DIAPH1: variants seen among roughly 807,000 people sequenced by gnomAD.
DIAPH1 encodes diaphanous related formin 1.
A neutral mutation model predicts 140.7 loss-of-function variants in DIAPH1; 46 were observed. The ratio of observed to expected loss-of-function variants is 0.33; its 90% CI spans 0.26 to 0.42. The LOEUF is 0.42. DIAPH1 is among the 10% of genes least tolerant of loss of function. DIAPH1 has a pLI of 1.00. For synonymous variants in DIAPH1, 565 were observed against 551.6 expected, an observed-to-expected ratio of 1.02 and a Z score of -0.34; for missense variants, 1,310 against 1,558.7, an observed-to-expected ratio of 0.84 and a Z score of 2.69.
chr5:141,546,184 G>A (rs928524509), intron 18 of DIAPH1, among the ~76,000 whole-genome samples: 4 of 151,850 alleles, frequency 2.6e-5, no homozygotes, highest in Admixed American at 6.6e-5. Context: ...GAGTTTGAGC[G>A]CAGCCTGGCC....
chr5:141,537,674 ACTT>A (rs145597373), intron 18 of DIAPH1, among the ~76,000 whole-genome samples: 7,831 of 152,070 alleles, frequency 0.051, 305 homozygotes, highest in Middle Eastern at 0.079. Flanking sequence ...TAGAGGAAAT[ACTT>A]AAGACAGTTA....
Position 141,547,391 on chromosome 5 carries a change from G to C in DIAPH1, c.2483-12958C>G, listed in dbSNP as rs548105454. On this transcript the variant is annotated intron_variant, in intron 18 of 27. Transcript: ENST00000389054. ...GAGGCAGGAGAATGGTGTGAACCCA[G>C]GAGACGGAGCTTGCAGTGAGCCAAG... is the stretch of plus-strand genomic sequence containing the variant. Among the ~76,000 whole-genome samples the C allele has an allele frequency of 5.9e-5, 9 of 152,190 alleles. No individual in the cohort carries two copies. The South Asian group carries it at 1.9e-3, about 32-fold the overall frequency.
chr5:141,527,857 G>C (rs2099887624), intron 23 of DIAPH1, among the ~76,000 whole-genome samples, 160 bp from the exon 24 acceptor site: 1 of 152,070 alleles, frequency 6.6e-6, no homozygotes, highest in South Asian at 2.1e-4. Context: ...TACTTTAGTT[G>C]TGTCACATAC....
At chr5:141,593,064 T>C (rs925689939) in intron 1 of DIAPH1, among the ~76,000 whole-genome samples, 1 of 152,164 alleles carries the variant, frequency 6.6e-6, no homozygotes, top group Admixed American at 6.5e-5. Context: ...CTAGAGGTAT[T>C]AAATCCAACA....
intron 18 of DIAPH1, among the ~76,000 whole-genome samples, chr5:141,559,990 C>G (rs1252396508): frequency 6.6e-6 from 1 of 152,136 alleles, no homozygotes; most frequent in African/African-American, 2.4e-5. Flanking sequence ...ATCTACACCC[C>G]ACTTCTAAAT....
At chr5:141,521,870 A>G (rs2099886601) in intron 27 of DIAPH1, among the ~76,000 whole-genome samples, 1 of 152,200 alleles carries the variant, frequency 6.6e-6, no homozygotes, top group South Asian at 2.1e-4. Flanking sequence ...CTGCACAAAA[A>G]AAATATTAGA....
intron 1 of DIAPH1, among the ~76,000 whole-genome samples, chr5:141,604,552 T>C (rs1224495014): frequency 1.3e-5 from 2 of 152,208 alleles, no homozygotes; most frequent in African/African-American, 4.8e-5. Flanking sequence ...CTACTCTTCC[T>C]CAAGGGTGGG....
chr5:141,525,047 C>T (rs1311528080), intron 26 of DIAPH1, among the ~76,000 whole-genome samples: 2 of 152,184 alleles, frequency 1.3e-5, no homozygotes, highest in Non-Finnish European at 2.9e-5. Context: ...CACCTTCCCC[C>T]ACTGCATCCT....
chr5:141,541,798 G>A (rs1451282495), intron 18 of DIAPH1, among the ~76,000 whole-genome samples: 2 of 151,320 alleles, frequency 1.3e-5, no homozygotes, highest in Non-Finnish European at 2.9e-5. Context: ...AAAAGAGAAA[G>A]AAACACTTCA....
intron 16 of DIAPH1, among the ~76,000 whole-genome samples, chr5:141,573,252 C>T (rs1435031806): frequency 2.0e-4 from 30 of 151,704 alleles, no homozygotes; most frequent in Admixed American, 1.6e-3. Flanking sequence ...CTGGCTAACA[C>T]GGTGAAATCC....
At chr5:141,522,674 G>A (rs573979272) in intron 27 of DIAPH1, among the ~76,000 whole-genome samples, 2 of 152,002 alleles carry the variant, frequency 1.3e-5, no homozygotes, top group South Asian at 4.2e-4. Context: ...TGGTCAGTAG[G>A]AAATAATGTT....
intron 18 of DIAPH1, among the ~76,000 whole-genome samples, chr5:141,566,894 C>G (rs80183189): frequency 4.1e-5 from 2 of 48,670 alleles, no homozygotes; most frequent in East Asian, 1.4e-3. Flanking sequence ...GACTCCATCT[C>G]AAAAACAAAA....
At chr5:141,605,973 G>T (rs1195746266) in intron 1 of DIAPH1, among the ~76,000 whole-genome samples, 1 of 152,052 alleles carries the variant, frequency 6.6e-6, no homozygotes, top group African/African-American at 2.4e-5. Context: ...CAAGAATCAA[G>T]AAAGAAATCA....
intron 2 of DIAPH1, chr5:141,587,509 G>T: frequency 2.7e-6 from 1 of 369,582 alleles, no homozygotes. Flanking sequence ...GTACGGAACT[G>T]AAAGCCTCTC....
At chr5:141,585,419 A>T (rs907679853) in intron 3 of DIAPH1, among the ~76,000 whole-genome samples, 4 of 152,218 alleles carry the variant, frequency 2.6e-5, no homozygotes, top group African/African-American at 9.6e-5. Flanking sequence ...ACAGCACCAA[A>T]GGATTCATCC....
rs752983682 is a variant in DIAPH1, at chr5:141,517,011, G to A, written c.3662-3C>T. ...TGCACACCCGGCCTTCCTGTTGGCT[G>A]CAAGAGAAGACGAGAGATTCTGTCT... is the stretch of plus-strand genomic sequence containing the variant. On this transcript the variant is annotated splice_region_variant and splice_polypyrimidine_tract_variant and intron_variant, in intron 27 of 27. Transcript: ENST00000389054. The A allele has an allele frequency of 1.2e-5, 20 of 1,614,048 alleles. No individual in the cohort carries two copies. Among genetic ancestry groups the A allele is most frequent in the Non-Finnish European group, 1.6e-5 (19 of 1,180,026 alleles).
At chr5:141,540,249 T>C (rs1165797914) in intron 18 of DIAPH1, among the ~76,000 whole-genome samples, 1 of 151,544 alleles carries the variant, frequency 6.6e-6, no homozygotes, top group Non-Finnish European at 1.5e-5. Flanking sequence ...CCTTCTCGAG[T>C]AGCTGGGATT....
chr5:141,576,922 T>C (rs559892582), intron 12 of DIAPH1, 51 bp from the exon 13 acceptor site: 21 of 1,149,012 alleles, frequency 1.8e-5, no homozygotes, highest in African/African-American at 9.1e-5. Flanking sequence ...AATATAATTT[T>C]CAGAAGTATT....
intron 19 of DIAPH1, among the ~76,000 whole-genome samples, chr5:141,533,756 T>C (rs1338285370): frequency 2.0e-5 from 3 of 151,988 alleles, no homozygotes; most frequent in Non-Finnish European, 2.9e-5. Flanking sequence ...AGACTTTCTG[T>C]GAACGCAATG....
Sources: gnomAD v4.1 joint callset for allele counts (sites outside exome capture counted in the v4.1 genomes callset) on GRCh38, gnomAD v4.1.1 for gene constraint, MANE v1.5 for transcripts, NCBI Gene and HGNC (gene_info 2026-07-23, HGNC 2026-07-21) for gene names.